The following DNAJC18 variants were observed in gnomAD, a reference collection of about 807,000 sequenced individuals.
The protein encoded by DNAJC18 is DnaJ heat shock protein family (Hsp40) member C18, also known as dnaJ homolog subfamily C member 18.
Under a neutral mutation model 48.6 loss-of-function variants are expected in DNAJC18, and 40 were observed. The ratio of observed to expected loss-of-function variants is 0.82; its 90% CI spans 0.64 to 1.07. The LOEUF (loss-of-function observed/expected upper bound fraction) is 1.07. DNAJC18 is among the 50% of genes least tolerant of loss of function. The pLI, the probability that DNAJC18 is intolerant of heterozygous loss-of-function variation, is 0.00. For missense variants in DNAJC18, 340 were observed against 427.7 expected (o/e 0.79, Z 1.81); for synonymous variants, 135 against 152.2 (o/e 0.89, Z 0.83).
In DNAJC18 at chr5:139,412,805, A is replaced by G. The variant is rs1044491064; in HGVS notation, c.*1343T>C. 2 of 398,516 alleles carry G rather than the reference A, an allele frequency of 5.0e-6. No individual in the cohort carries two copies. Among genetic ancestry groups the G allele is most frequent in the South Asian group, 1.3e-4 (1 of 7,858 alleles). The allele number at this position is 398,516 out of a possible 1,614,324, so 24.7% of individuals were successfully genotyped here. On this transcript the variant is annotated 3_prime_UTR_variant, in exon 8 of 8. Coordinates refer to ENST00000302060, the MANE Select transcript of DNAJC18 (RefSeq NM_152686.4). ...TATGTTAGACAGGGTCCTGCTTCCTAAAGAGCAGCAGGGATGTTGTCCTGA... is the reference window on the plus strand; with the variant it reads ...TATGTTAGACAGGGTCCTGCTTCCTGAAGAGCAGCAGGGATGTTGTCCTGA...
At chr5:139,438,094 A>G (rs943144594) in intron 1 of DNAJC18, among the ~76,000 whole-genome samples, 2 of 152,176 alleles carry the variant, frequency 1.3e-5, no homozygotes, top group African/African-American at 4.8e-5. Flanking sequence ...AGGCGGGCGG[A>G]TCACGAGGTC....
At position 139,414,051 on chromosome 5, in the gene DNAJC18, T is replaced by G; in HGVS notation, c.*97A>C. 6.7e-7 allele frequency: 1 copy of G among 1,502,176 alleles called. No homozygotes were observed. Among genetic ancestry groups the G allele is most frequent in the Non-Finnish European group, 8.9e-7 (1 of 1,122,954 alleles). The allele number at this position is 1,502,176 out of a possible 1,614,324, so 93.1% of individuals were successfully genotyped here. A position where few individuals can be genotyped will look rare whatever the true frequency, so the allele number is the denominator to read the frequency against. The stretch of plus-strand genomic sequence containing the variant: ...CCAACGAAGTTAGCAAATAGTAAAG[T>G]GTTCATCATTACCTAGTTTTGTATT... On this transcript the variant is annotated 3_prime_UTR_variant, in exon 8 of 8. Transcript: ENST00000302060.
chr5:139,423,890 C>T (rs1260683510), intron 5 of DNAJC18, among the ~76,000 whole-genome samples: 6 of 152,274 alleles, frequency 3.9e-5, no homozygotes, highest in Non-Finnish European at 7.4e-5. Flanking sequence ...TGGATTGACA[C>T]CCAGTAATCC....
intron 5 of DNAJC18, among the ~76,000 whole-genome samples, chr5:139,423,369 C>T (rs1260836313): frequency 6.8e-6 from 1 of 146,712 alleles, no homozygotes; most frequent in Admixed American, 7.0e-5. Flanking sequence ...AGGAAATGCT[C>T]ATTGGAGCAT....
intron 6 of DNAJC18, among the ~76,000 whole-genome samples, chr5:139,420,538 G>A (rs1366565152): frequency 6.8e-6 from 1 of 147,486 alleles, no homozygotes; most frequent in South Asian, 2.2e-4. Context: ...CAATTTTTAC[G>A]TTGTGTAGGA....
intron 7 of DNAJC18, among the ~76,000 whole-genome samples, chr5:139,416,658 C>A (rs924710453): frequency 6.6e-6 from 1 of 152,262 alleles, no homozygotes; most frequent in Non-Finnish European, 1.5e-5. Context: ...AAAGCCTAAG[C>A]TTCTACCCAC....
chr5:139,426,013 T>TC (rs1759237804), intron 4 of DNAJC18, among the ~76,000 whole-genome samples, 159 bp downstream of exon 4: 1 of 152,192 alleles, frequency 6.6e-6, no homozygotes, highest in Admixed American at 6.5e-5. Flanking sequence ...TATGCACAGC[T>TC]GGGGGCTGGA....
At chr5:139,431,447 G>A (rs1461043149) in intron 2 of DNAJC18, among the ~76,000 whole-genome samples, 2 of 152,082 alleles carry the variant, frequency 1.3e-5, no homozygotes, top group Non-Finnish European at 2.9e-5. Context: ...CATAAAAGGA[G>A]TTATATAACA....
chr5:139,419,157 G>A (rs761961131), intron 7 of DNAJC18: 1 of 450,230 alleles, frequency 2.2e-6, no homozygotes, highest in South Asian at 1.6e-5. Flanking sequence ...CAAAACTTCA[G>A]TTAAAAGGGT....
chr5:139,422,663 A>G (rs370812554), intron 6 of DNAJC18, 45 bp downstream of exon 6: 3 of 1,395,564 alleles, frequency 2.1e-6, no homozygotes, highest in Non-Finnish European at 3.0e-6. Flanking sequence ...CAAGTCTTTC[A>G]CCCCCAGACT....
chr5:139,426,274 T>C lies in DNAJC18; in HGVS notation c.457A>G (p.Thr153Ala), dbSNP rs1759241994. Residue 153 changes from threonine (T) to alanine (A), a missense_variant, in exon 4 of 8, where the codon ACT (threonine) becomes GCT (alanine). Coordinates refer to ENST00000302060, the MANE Select transcript of DNAJC18 (RefSeq NM_152686.4). The stretch of plus-strand genomic sequence containing the variant: ...TTATAAGGTCTGGCTCGAGGGGCAG[T>C]GAAAGTCACCTGTTCATCTCCGTAT... The part of the protein sequence containing the change: ...DEYGDEQVTF[T>A]APRARPYNYY... 1.2e-6 allele frequency: 2 copies of C among 1,614,078 alleles called. No individual in the cohort carries two copies. Among genetic ancestry groups the C allele is most frequent in the South Asian group, 2.2e-5 (2 of 91,092 alleles).
At chr5:139,418,738 A>G in intron 7 of DNAJC18, 1 of 456,240 alleles carries the variant, frequency 2.2e-6, no homozygotes, top group South Asian at 1.5e-5. Flanking sequence ...GTTATTCACA[A>G]TCCTCAGCAT....
intron 3 of DNAJC18, among the ~76,000 whole-genome samples, chr5:139,427,594 A>G (rs1759263461): frequency 6.6e-6 from 1 of 152,234 alleles, no homozygotes; most frequent in South Asian, 2.1e-4. Context: ...AATAGGCCAC[A>G]GATATTACGT....
intron 7 of DNAJC18, among the ~76,000 whole-genome samples, chr5:139,417,458 A>C (rs982579647): frequency 6.6e-6 from 1 of 151,784 alleles, no homozygotes; most frequent in Admixed American, 6.6e-5. Flanking sequence ...GGTTGTGTGG[A>C]GGCTCTGCAT....
chr5:139,424,070 C>G (rs1469915026), intron 5 of DNAJC18, among the ~76,000 whole-genome samples: 2 of 152,192 alleles, frequency 1.3e-5, no homozygotes, highest in Non-Finnish European at 2.9e-5. Context: ...CACGTTTTCT[C>G]TCCTAGGAAT....
At chr5:139,433,932 C>A (rs561393677) in intron 2 of DNAJC18, among the ~76,000 whole-genome samples, 6 of 152,268 alleles carry the variant, frequency 3.9e-5, no homozygotes, top group Non-Finnish European at 8.8e-5. Context: ...GCTCTTGTTG[C>A]CCAGGCTGGA....
intron 7 of DNAJC18, among the ~76,000 whole-genome samples, chr5:139,417,444 C>T (rs1024522501): frequency 6.6e-6 from 1 of 152,076 alleles, no homozygotes; most frequent in African/African-American, 2.4e-5. Context: ...TCAAATGGCA[C>T]TTGGGTTGTG....
At chr5:139,434,654 T>C (rs1368898538) in intron 2 of DNAJC18, among the ~76,000 whole-genome samples, 1 of 152,210 alleles carries the variant, frequency 6.6e-6, no homozygotes, top group East Asian at 1.9e-4. Flanking sequence ...ATTTTTTTAT[T>C]GTTCATTGCT....
chr5:139,423,533 G>A (rs993485049), intron 5 of DNAJC18, among the ~76,000 whole-genome samples: 3 of 151,902 alleles, frequency 2.0e-5, no homozygotes, highest in Non-Finnish European at 4.4e-5. Context: ...GGGACCACAG[G>A]TGCACACCAC....
Sources: gnomAD v4.1 joint callset for allele counts (sites outside exome capture counted in the v4.1 genomes callset) on GRCh38, gnomAD v4.1.1 for gene constraint, MANE v1.5 for transcripts, NCBI Gene and HGNC (gene_info 2026-07-23, HGNC 2026-07-21) for gene names.